The following CADM2 variants were observed in gnomAD, a reference collection of about 807,000 sequenced individuals.
CADM2 encodes the protein cell adhesion molecule 2.
In CADM2, 12 loss-of-function variants were observed where a neutral mutation model predicts 49.8. The observed-to-expected ratio is 0.24, with a 90% CI of 0.15 to 0.39. The LOEUF (loss-of-function observed/expected upper bound fraction) is 0.39, where lower values mean the gene tolerates loss of function less well. Among genes scored for constraint, CADM2 ranks in the 10% least tolerant of loss-of-function variants. CADM2 has a pLI of 1.00. For missense variants in CADM2, 378 were observed against 492.3 expected (o/e 0.77, Z 2.20); for synonymous variants, 214 against 175.4 (o/e 1.22, Z -1.74).
At chr3:85,691,635 G>T (rs1050511251) in intron 1 of CADM2, among the ~76,000 whole-genome samples, 1 of 151,934 alleles carries the variant, frequency 6.6e-6, no homozygotes, top group Non-Finnish European at 1.5e-5. Flanking sequence ...GTATATACCC[G>T]AAGGATTATA....
chr3:85,363,760 C>T (rs1379237992), intron 1 of CADM2, among the ~76,000 whole-genome samples: 4 of 152,042 alleles, frequency 2.6e-5, no homozygotes, highest in South Asian at 2.1e-4. Context: ...TACAGGCGCC[C>T]GCCACCGCGC....
chr3:85,768,400 C>T lies in CADM2; in HGVS notation c.89-33647C>T, dbSNP rs9831775. Among the ~76,000 whole-genome samples, 23 of 151,296 alleles carry T rather than the reference C, an allele frequency of 1.5e-4. No homozygotes were observed. In the South Asian group the frequency reaches 2.7e-3, roughly 18 times the overall value. ...AGCAGAGGTTGCAGTGATCCCAGAT[C>T]GCACCATTGCACTCCAAACTGGGCT... On this transcript the variant is annotated intron_variant, in intron 2 of 9. Transcript: ENST00000383699.
intron 8 of CADM2, among the ~76,000 whole-genome samples, chr3:85,975,507 C>A (rs902925206): frequency 4.6e-5 from 7 of 151,346 alleles, no homozygotes; most frequent in Non-Finnish European, 1.0e-4. Flanking sequence ...CCGATCAGCT[C>A]TAGACAAAAT....
At chr3:85,214,538 C>T (rs1007650639) in intron 1 of CADM2, among the ~76,000 whole-genome samples, 4 of 151,928 alleles carry the variant, frequency 2.6e-5, no homozygotes, top group Admixed American at 6.6e-5. Flanking sequence ...ATCTCCCCCA[C>T]CCCCCAACCC....
At chr3:85,212,813 T>TCTTC (rs2107771886) in intron 1 of CADM2, among the ~76,000 whole-genome samples, 1 of 23,236 alleles carries the variant, frequency 4.3e-5, no homozygotes, top group East Asian at 1.3e-3. Context: ...CTTTTTCTTC[T>TCTTC]CTTTCTTTCT....
At chr3:85,185,252 T>C (rs1454686592) in intron 1 of CADM2, among the ~76,000 whole-genome samples, 1 of 151,944 alleles carries the variant, frequency 6.6e-6, no homozygotes, top group African/African-American at 2.4e-5. Flanking sequence ...GAATCATCTA[T>C]ATATTGATCC....
In CADM2 at chr3:85,364,290, A is replaced by G. The variant is rs557724825; in HGVS notation, c.62-362232A>G. On this transcript the variant is annotated intron_variant, in intron 1 of 9. Transcript: ENST00000383699. ...TTTACCAATTAAATCTGGCAGTACC[A>G]TAGAAATGACAACAGAACTATGACA... 2.6e-5 allele frequency among the ~76,000 whole-genome samples: 4 copies of G among 152,306 alleles called. No homozygotes were observed. The East Asian group carries it at 5.8e-4, about 22-fold the overall frequency.
At chr3:85,787,246 A>G (rs1483190239) in intron 2 of CADM2, among the ~76,000 whole-genome samples, 1 of 152,134 alleles carries the variant, frequency 6.6e-6, no homozygotes, top group African/African-American at 2.4e-5. Context: ...CCTGTTTTAT[A>G]CAAACTCAAG....
At position 85,199,333 on chromosome 3, in the gene CADM2, TTGTG is replaced by T. The variant is rs35067183; in HGVS notation, c.61+239697_61+239700del. 2.3e-3 allele frequency among the ~76,000 whole-genome samples: 303 copies of T among 134,472 alleles called. 4 individuals are homozygous for T. The highest frequency in any genetic ancestry group is 3.7e-3 in the Middle Eastern group (1 of 272). 88.2% of individuals were successfully genotyped at this position (134,472 alleles called of 152,430 possible). On this transcript the variant is annotated intron_variant, in intron 1 of 9. Transcript: ENST00000383699. ...AGAATGTCTTCTGATGTAACTCTCT[TTGTG>T]TGTGTGTGTGTGTGTGTGTGTGTGT...
intron 1 of CADM2, among the ~76,000 whole-genome samples, chr3:85,360,824 C>T (rs2032301598): frequency 6.6e-6 from 1 of 152,142 alleles, no homozygotes; most frequent in African/African-American, 2.4e-5. Context: ...CTTGTTTCCT[C>T]AGTACCGTTG....
Position 85,812,914 on chromosome 3 carries a change from G to A in CADM2, c.238+10718G>A, listed in dbSNP as rs189240532. Among the ~76,000 whole-genome samples, 434 of 152,228 alleles carry A rather than the reference G, an allele frequency of 2.9e-3. 1 individual carries two copies. The highest frequency in any genetic ancestry group is 4.3e-3 in the Non-Finnish European group (292 of 68,016). ...TTATCGCTTCATAGTATTCCATGGT[G>A]TATATGTACCACATTTTCTTTATCC... On this transcript the variant is annotated intron_variant, in intron 3 of 9. Transcript: ENST00000383699.
intron 1 of CADM2, among the ~76,000 whole-genome samples, chr3:85,326,913 A>T (rs2044768900): frequency 6.6e-6 from 1 of 152,176 alleles, no homozygotes; most frequent in Non-Finnish European, 1.5e-5. Flanking sequence ...AGAATAATTA[A>T]TGACTAAAAG....
chr3:85,458,310 T>C (rs116351045), intron 1 of CADM2, among the ~76,000 whole-genome samples: 2,238 of 152,328 alleles, frequency 0.015, 22 homozygotes, highest in Non-Finnish European at 0.023. Flanking sequence ...TATAAACTTA[T>C]GCATTTATTA....
At chr3:85,887,492 A>T (rs1428996102) in intron 5 of CADM2, among the ~76,000 whole-genome samples, 1 of 152,196 alleles carries the variant, frequency 6.6e-6, no homozygotes, top group Non-Finnish European at 1.5e-5. Flanking sequence ...CTGAAAAATT[A>T]TGATTATAAT....
chr3:85,188,260 G>A (rs1330670413), intron 1 of CADM2, among the ~76,000 whole-genome samples: 1 of 151,764 alleles, frequency 6.6e-6, no homozygotes, highest in African/African-American at 2.4e-5. Flanking sequence ...TTTTATTTTA[G>A]TGCTATGTTT....
intron 8 of CADM2, chr3:86,014,346 AC>A: frequency 7.2e-7 from 1 of 1,396,776 alleles, no homozygotes; most frequent in South Asian, 1.7e-5. Context: ...CCAGGGGCAA[AC>A]CTCTGATGTC....
chr3:85,034,224 TTCTA>T (rs2035108507), intron 1 of CADM2, among the ~76,000 whole-genome samples: 2 of 152,286 alleles, frequency 1.3e-5, no homozygotes, highest in South Asian at 2.1e-4. Flanking sequence ...GTCTTATTCA[TTCTA>T]TCTAACTATA....
intron 1 of CADM2, among the ~76,000 whole-genome samples, chr3:85,093,622 G>T (rs2107528385): frequency 1.3e-5 from 2 of 152,006 alleles, no homozygotes; most frequent in South Asian, 4.2e-4. Context: ...ATCAAATTTA[G>T]AAAATATTTT....
At chr3:85,302,432 T>A (rs1559768682) in intron 1 of CADM2, among the ~76,000 whole-genome samples, 1 of 152,046 alleles carries the variant, frequency 6.6e-6, no homozygotes, top group African/African-American at 2.4e-5. Flanking sequence ...GTGTGTTTTC[T>A]AAAAATGAAC....
Sources: allele counts gnomAD v4.1 joint callset (sites outside exome capture counted in the v4.1 genomes callset), GRCh38; gene constraint gnomAD v4.1.1; transcripts MANE v1.5; gene names NCBI Gene and HGNC (gene_info 2026-07-23, HGNC 2026-07-21).